PCDHA13: variants seen among roughly 807,000 people sequenced by gnomAD.
The protein encoded by PCDHA13 is protocadherin alpha-13.
A neutral mutation model predicts 64.8 loss-of-function variants in PCDHA13; 54 were observed. The ratio of observed to expected loss-of-function variants is 0.83; its 90% CI spans 0.67 to 1.04. The LOEUF (loss-of-function observed/expected upper bound fraction) is 1.04. Among genes scored for constraint, PCDHA13 ranks in the 50% least tolerant of loss-of-function variants. The probability of loss-of-function intolerance (pLI) is 0.00; values close to 1 mark genes in which losing one functional copy is unlikely to be tolerated. For missense variants in PCDHA13, 1,248 were observed against 1,254.3 expected (o/e 0.99, Z 0.08); for synonymous variants, 587 against 564.4 (o/e 1.04, Z -0.57).
Position 140,883,394 on chromosome 5 carries a change from G to T in PCDHA13, c.1126G>T (p.Asp376Tyr). Residue 376 changes from aspartate (D) to tyrosine (Y), a missense_variant, in exon 1 of 4, where the codon GAT becomes TAT. Coordinates refer to ENST00000289272, the MANE Select transcript of PCDHA13 (RefSeq NM_018904.3). ...SAIIALISVS[D>Y]RDSGSNGQVT... ...CATTATTGCCCTAATCAGTGTGTCC[G>T]ATCGTGACTCTGGCTCAAATGGACA... 1.2e-6 allele frequency: 2 copies of T among 1,614,124 alleles called. No homozygotes were observed. The highest frequency in any genetic ancestry group is 2.2e-5 in the South Asian group (2 of 91,080).
intron 1 of PCDHA13, among the ~76,000 whole-genome samples, chr5:140,920,983 T>C (rs1472212249): frequency 6.6e-6 from 1 of 152,106 alleles, no homozygotes; most frequent in Non-Finnish European, 1.5e-5. Context: ...AATATTGTAT[T>C]TGCTTATTTT....
intron 1 of PCDHA13, among the ~76,000 whole-genome samples, chr5:140,887,392 G>A (rs1484199271): frequency 1.3e-5 from 2 of 152,024 alleles, no homozygotes; most frequent in African/African-American, 2.4e-5. Context: ...CACCGCGCCC[G>A]GCTCTTTATC....
At chr5:140,910,794 T>A (rs1431401808) in intron 1 of PCDHA13, among the ~76,000 whole-genome samples, 5 of 152,166 alleles carry the variant, frequency 3.3e-5, no homozygotes, top group Non-Finnish European at 7.3e-5. Flanking sequence ...AAATGCAGAA[T>A]CCCTGCTTAG....
rs140822878 is a variant in PCDHA13 at position 140,941,951 on chromosome 5, A to C, written c.2395-36998A>C. Among the ~76,000 whole-genome samples the C allele has an allele frequency of 9.8e-5, 15 of 152,306 alleles. No individual in the cohort carries two copies. The East Asian group carries it at 2.7e-3, about 27-fold the overall frequency. On this transcript the variant is annotated intron_variant, in intron 1 of 3. Transcript: ENST00000289272. Reference sequence around the variant, plus strand: ...ATATTTGAATTACTTTTGTTTTGAAAACAATAGTATCTTTACTTTCCCTAA... The same window carrying C: ...ATATTTGAATTACTTTTGTTTTGAACACAATAGTATCTTTACTTTCCCTAA...
At chr5:140,946,038 G>T (rs782421286) in intron 1 of PCDHA13, among the ~76,000 whole-genome samples, 29 of 152,042 alleles carry the variant, frequency 1.9e-4, no homozygotes, top group Non-Finnish European at 4.0e-4. Flanking sequence ...CAAGAGTGAA[G>T]GGACAATCCA....
intron 3 of PCDHA13, among the ~76,000 whole-genome samples, chr5:140,984,328 G>A (rs1221209076): frequency 3.3e-5 from 5 of 152,156 alleles, no homozygotes; most frequent in African/African-American, 1.2e-4. Context: ...GGCAAATGTG[G>A]AATAGGAACC....
chr5:140,972,499 G>A (rs1398741603), intron 1 of PCDHA13, among the ~76,000 whole-genome samples: 3 of 151,888 alleles, frequency 2.0e-5, no homozygotes, highest in South Asian at 4.2e-4. Flanking sequence ...TAATCTGTTG[G>A]TAGATTTTAC....
intron 1 of PCDHA13, among the ~76,000 whole-genome samples, chr5:140,978,085 C>T (rs1056593415): frequency 2.2e-4 from 33 of 152,186 alleles, no homozygotes; most frequent in African/African-American, 8.0e-4. Flanking sequence ...AGCTTCTAAC[C>T]AGCACATAAC....
Position 140,883,557 on chromosome 5 carries a change from G to C in PCDHA13, c.1289G>C (p.Gly430Ala). ...GAACTGGTGGTGACCGCGCGGGACG[G>C]GGGCTCGCCTTCGCTGTGGGCCACG... ...AYELVVTARD[G>A]GSPSLWATAS... The change falls in exon 1 of 4, where the codon GGG becomes GCG. Residue 430 changes from glycine to alanine, a missense_variant. By Grantham distance (60) the Gly-to-Ala change is moderately conservative (BLOSUM62 0). Transcript: ENST00000289272. 6.2e-7 allele frequency: 1 copy of C among 1,614,214 alleles called. No individual in the cohort carries two copies. The highest frequency in any genetic ancestry group is 8.5e-7 in the Non-Finnish European group (1 of 1,180,042).
intron 2 of PCDHA13, 142 bp from the exon 3 acceptor site, chr5:140,982,333 A>C (rs2096978357): frequency 1.4e-6 from 2 of 1,438,566 alleles, no homozygotes; most frequent in Admixed American, 4.6e-5. Context: ...ACTGCTCAGC[A>C]GTAATTGCTT....
intron 1 of PCDHA13, chr5:140,969,483 G>C (rs531496681): frequency 1.4e-6 from 2 of 1,462,372 alleles, no homozygotes; most frequent in African/African-American, 1.4e-5. Context: ...ATCATAATCT[G>C]CTATTTCCTC....
intron 1 of PCDHA13, among the ~76,000 whole-genome samples, chr5:140,906,606 G>A (rs2072783004): frequency 6.6e-6 from 1 of 152,208 alleles, no homozygotes; most frequent in Non-Finnish European, 1.5e-5. Context: ...TACTCATTCT[G>A]TATTCCCTTT....
intron 1 of PCDHA13, among the ~76,000 whole-genome samples, chr5:140,889,313 T>G (rs1554183863): frequency 6.6e-6 from 1 of 152,078 alleles, no homozygotes; most frequent in Non-Finnish European, 1.5e-5. Flanking sequence ...ACTGTTGAAG[T>G]TATCTGTATC....
At chr5:140,951,440 A>G (rs1296002857) in intron 1 of PCDHA13, among the ~76,000 whole-genome samples, 2 of 152,004 alleles carry the variant, frequency 1.3e-5, no homozygotes, top group Non-Finnish European at 2.9e-5. Flanking sequence ...TGTAGGAAGC[A>G]TGATGCCGGC....
chr5:140,963,600 G>T (rs111244023), intron 1 of PCDHA13, among the ~76,000 whole-genome samples: 1 of 152,180 alleles, frequency 6.6e-6, no homozygotes, highest in Non-Finnish European at 1.5e-5. Context: ...AGTTCTAGAC[G>T]TAATTGGGAA....
intron 1 of PCDHA13, among the ~76,000 whole-genome samples, chr5:140,972,656 C>T (rs1428322208): frequency 6.9e-6 from 1 of 144,688 alleles, no homozygotes; most frequent in Non-Finnish European, 1.5e-5. Context: ...TAAAAAGAAA[C>T]CAAATTTTTT....
At chr5:140,917,337 G>T (rs1563019639) in intron 1 of PCDHA13, among the ~76,000 whole-genome samples, 1 of 142,560 alleles carries the variant, frequency 7.0e-6, no homozygotes, top group Non-Finnish European at 1.6e-5. Context: ...GGGAGGGGGG[G>T]GATGGTGTAG....
intron 1 of PCDHA13, among the ~76,000 whole-genome samples, chr5:140,942,008 T>C (rs155814): frequency 0.3 from 44,965 of 152,110 alleles, 7,230 homozygotes; most frequent in East Asian, 0.53. Flanking sequence ...CTCTTATTAT[T>C]AATTTTGGGA....
intron 1 of PCDHA13, among the ~76,000 whole-genome samples, chr5:140,939,691 G>A (rs782722243): frequency 3.5e-4 from 53 of 152,250 alleles, no homozygotes; most frequent in African/African-American, 1.2e-3. Context: ...TGTGTTGCTG[G>A]ACATTATCAT....
Sources: gnomAD v4.1 joint callset for allele counts (sites outside exome capture counted in the v4.1 genomes callset) on GRCh38, gnomAD v4.1.1 for gene constraint, MANE v1.5 for transcripts, NCBI Gene and HGNC (gene_info 2026-07-23, HGNC 2026-07-21) for gene names.